The following RBFOX1 variants were observed in gnomAD, a reference collection of about 807,000 sequenced individuals.
RBFOX1 encodes RNA binding protein fox-1 homolog 1.
In RBFOX1, 8 loss-of-function variants were observed where a neutral mutation model predicts 57.7. The observed-to-expected ratio is 0.14, with a 90% CI of 0.08 to 0.25. RBFOX1 has a LOEUF of 0.25. Among genes scored for constraint, RBFOX1 ranks in the 10% least tolerant of loss-of-function variants. The pLI, the probability that RBFOX1 is intolerant of heterozygous loss-of-function variation, is 1.00. For missense variants in RBFOX1, 611 were observed against 548.5 expected, an observed-to-expected ratio of 1.11 and a Z score of -1.14; for synonymous variants, 326 against 222.4, an observed-to-expected ratio of 1.47 and a Z score of -4.15.
chr16:7,241,773 TTTTCTC>T (rs1412078828), intron 4 of RBFOX1, among the ~76,000 whole-genome samples: 5 of 151,912 alleles, frequency 3.3e-5, no homozygotes, highest in African/African-American at 9.7e-5. Context: ...CCCCCCTTCT[TTTTCTC>T]TTTCAATCTG....
At chr16:5,453,321 T>C (rs980033419) in intron 1 of RBFOX1, among the ~76,000 whole-genome samples, 7 of 151,974 alleles carry the variant, frequency 4.6e-5, no homozygotes, top group African/African-American at 1.7e-4. Flanking sequence ...AGGAAGAAAA[T>C]GCAGGGTGAT....
intron 2 of RBFOX1, among the ~76,000 whole-genome samples, chr16:6,544,271 C>A (rs188354428): frequency 3.5e-4 from 54 of 152,250 alleles, no homozygotes; most frequent in African/African-American, 1.2e-3. Context: ...GGTGTGGTTG[C>A]AAGAAATTAG....
At chr16:7,229,330 T>C (rs1354152892) in intron 4 of RBFOX1, among the ~76,000 whole-genome samples, 1 of 152,146 alleles carries the variant, frequency 6.6e-6, no homozygotes, top group African/African-American at 2.4e-5. Flanking sequence ...AAAAATGAAA[T>C]GAAACTGCTC....
In RBFOX1 at chr16:6,299,729, G is replaced by A. The variant is rs150825983; in HGVS notation, c.-126-17266G>A. Among the ~76,000 whole-genome samples the A allele has an allele frequency of 8.7e-3, 1,323 of 152,230 alleles. 26 individuals carry two copies. The highest frequency in any genetic ancestry group is 0.03 in the African/African-American group (1,239 of 41,510). ...TCAGTTATTTGCAGTGGCCAAAAGC[G>A]TGGACTCTGGCGTCTGCTGGGTCTC... On this transcript the variant is annotated intron_variant, in intron 1 of 15. Coordinates refer to ENST00000550418, the MANE Select transcript of RBFOX1 (RefSeq NM_018723.4).
At chr16:7,527,157 A>G (rs751961201) in intron 5 of RBFOX1, among the ~76,000 whole-genome samples, 11 of 152,112 alleles carry the variant, frequency 7.2e-5, no homozygotes, top group Non-Finnish European at 1.5e-4. Flanking sequence ...TTTTGTCAAT[A>G]CCAGTTCTAT....
intron 2 of RBFOX1, among the ~76,000 whole-genome samples, chr16:6,546,845 A>G (rs891663385): frequency 1.3e-5 from 2 of 152,204 alleles, no homozygotes; most frequent in Non-Finnish European, 2.9e-5. Context: ...TGAGCTTGCC[A>G]TTGGCAATGA....
At chr16:7,652,830 G>A (rs928352750) in intron 11 of RBFOX1, among the ~76,000 whole-genome samples, 1 of 152,172 alleles carries the variant, frequency 6.6e-6, no homozygotes, top group Non-Finnish European at 1.5e-5. Flanking sequence ...GTAATAAGCT[G>A]TTTCTCATGG....
rs182780461 is a variant in RBFOX1 at position 6,649,963 on chromosome 16, C to T, written c.-63-4640C>T. 7.8e-4 allele frequency among the ~76,000 whole-genome samples: 118 copies of T among 152,200 alleles called. 2 individuals are homozygous for T. The highest frequency in any genetic ancestry group is 2.2e-4 in the Non-Finnish European group (15 of 68,010). On this transcript the variant is annotated intron_variant, in intron 2 of 15. Transcript: ENST00000550418. ...ATTTTTGCCACTGTGAATTGTGCTGCTATAAAAGTGGGGTATTCAGTTTGA... is the reference window on the plus strand; with the variant it reads ...ATTTTTGCCACTGTGAATTGTGCTGTTATAAAAGTGGGGTATTCAGTTTGA...
At chr16:7,417,866 G>A (rs148984837) in intron 4 of RBFOX1, among the ~76,000 whole-genome samples, 5 of 152,066 alleles carry the variant, frequency 3.3e-5, no homozygotes, top group Admixed American at 6.6e-5. Context: ...ACGCACTTTC[G>A]TTCCTCTGTC....
intron 3 of RBFOX1, among the ~76,000 whole-genome samples, chr16:5,610,886 A>G (rs532645172): frequency 1.3e-5 from 2 of 152,072 alleles, no homozygotes; most frequent in East Asian, 1.9e-4. Context: ...TAAAAATAAA[A>G]ATAAATAAAA....
intron 2 of RBFOX1, among the ~76,000 whole-genome samples, chr16:6,578,598 C>CGTGTGTGTGTGT (rs57470848): frequency 0.013 from 1,444 of 110,718 alleles, 31 homozygotes; most frequent in African/African-American, 0.031. Flanking sequence ...GGTGTGTGTG[C>CGTGTGTGTGTGT]GTGTGTGTGT....
chr16:7,663,515 G>A (rs1484774869), intron 12 of RBFOX1, among the ~76,000 whole-genome samples: 1 of 151,846 alleles, frequency 6.6e-6, no homozygotes, highest in Non-Finnish European at 1.5e-5. Flanking sequence ...GTGTGTGTGT[G>A]TGTGTGTGTG....
chr16:6,771,705 T>C lies in RBFOX1; in HGVS notation c.-16+117055T>C, dbSNP rs113302628. Among the ~76,000 whole-genome samples, 320 of 152,322 alleles carry C rather than the reference T, an allele frequency of 2.1e-3. 4 individuals carry two copies. The highest frequency in any genetic ancestry group is 4.5e-3 in the African/African-American group (185 of 41,572). On this transcript the variant is annotated intron_variant, in intron 3 of 15. Transcript: ENST00000550418. ...TCATAATTAGTGGAGCAAGGCACTA[T>C]AATGCTACTGGCGTCTAGCGGGTGG... is the stretch of plus-strand genomic sequence containing the variant.
intron 3 of RBFOX1, among the ~76,000 whole-genome samples, chr16:5,662,097 A>G (rs2049672250): frequency 1.3e-5 from 2 of 152,106 alleles, no homozygotes; most frequent in African/African-American, 4.8e-5. Context: ...AAACTTAGAC[A>G]TCTTGTTAAC....
chr16:5,911,437 C>T (rs756604282), intron 4 of RBFOX1, among the ~76,000 whole-genome samples: 1 of 152,196 alleles, frequency 6.6e-6, no homozygotes, highest in Non-Finnish European at 1.5e-5. Flanking sequence ...GGGCACCATC[C>T]TAGCATTTCA....
At chr16:7,381,710 C>T (rs1157608711) in intron 4 of RBFOX1, among the ~76,000 whole-genome samples, 1 of 152,130 alleles carries the variant, frequency 6.6e-6, no homozygotes, top group Non-Finnish European at 1.5e-5. Context: ...ATTTGCAAGT[C>T]AGGAACAGTG....
intron 14 of RBFOX1, among the ~76,000 whole-genome samples, chr16:7,708,782 A>G (rs1248983298): frequency 6.6e-6 from 1 of 151,708 alleles, no homozygotes; most frequent in Non-Finnish European, 1.5e-5. Flanking sequence ...GTGTAGAAAC[A>G]GTATTATGGG....
At chr16:5,677,769 G>A (rs543298288) in intron 3 of RBFOX1, among the ~76,000 whole-genome samples, 2 of 152,228 alleles carry the variant, frequency 1.3e-5, no homozygotes, top group South Asian at 4.1e-4. Flanking sequence ...TGTTCCAGAT[G>A]GAGGAAATTG....
At chr16:7,324,013 T>G (rs2143403602) in intron 4 of RBFOX1, among the ~76,000 whole-genome samples, 1 of 152,120 alleles carries the variant, frequency 6.6e-6, no homozygotes. Flanking sequence ...GATCCAGCAG[T>G]TTTTTGTTTT....
Sources: allele counts gnomAD v4.1 joint callset (sites outside exome capture counted in the v4.1 genomes callset), GRCh38; gene constraint gnomAD v4.1.1; transcripts MANE v1.5; gene names NCBI Gene and HGNC (gene_info 2026-07-23, HGNC 2026-07-21).